Variants in C10orf90 observed in about 807,000 individuals in gnomAD.
The protein encoded by C10orf90 is (E2-independent) E3 ubiquitin-conjugating enzyme FATS.
A neutral mutation model predicts 62.5 loss-of-function variants in C10orf90; 56 were observed. That is an observed-to-expected ratio of 0.90 (90% confidence interval 0.72 to 1.12). C10orf90 has a LOEUF of 1.12. C10orf90 is among the 50% of genes most tolerant of loss of function. C10orf90 has a pLI of 0.00. For synonymous variants in C10orf90, 386 were observed against 340.4 expected (o/e 1.13, Z -1.47); for missense variants, 970 against 880.4 (o/e 1.10, Z -1.29).
At chr10:126,507,013 G>T (rs1862777412) in intron 3 of C10orf90, among the ~76,000 whole-genome samples, 3 of 151,918 alleles carry the variant, frequency 2.0e-5, no homozygotes, top group Admixed American at 2.0e-4. Context: ...AAGATGGTTG[G>T]CTTGTTTTGC....
chr10:126,536,102 G>A (rs1281043404), intron 2 of C10orf90, among the ~76,000 whole-genome samples: 3 of 152,166 alleles, frequency 2.0e-5, no homozygotes, highest in Admixed American at 6.5e-5. Context: ...GTCCTCTGTG[G>A]CCACGGTGCA....
At chr10:126,568,650 G>A (rs1022841086) in intron 2 of C10orf90, among the ~76,000 whole-genome samples, 1 of 152,160 alleles carries the variant, frequency 6.6e-6, no homozygotes, top group African/African-American at 2.4e-5. Flanking sequence ...AAGGCATGGG[G>A]ATTGTGCAGG....
intron 7 of C10orf90, among the ~76,000 whole-genome samples, chr10:126,431,011 C>G (rs1245972874): frequency 1.3e-5 from 2 of 152,120 alleles, no homozygotes; most frequent in Non-Finnish European, 2.9e-5. Context: ...AAGCTTGTCC[C>G]CTGTCTGGTT....
chr10:126,641,537 A>G (rs989600169), intron 2 of C10orf90, among the ~76,000 whole-genome samples: 24 of 152,002 alleles, frequency 1.6e-4, no homozygotes, highest in African/African-American at 5.6e-4. Context: ...AGTGACCTTC[A>G]TCATTTCCCT....
At chr10:126,584,635 T>G (rs1207786522) in intron 2 of C10orf90, among the ~76,000 whole-genome samples, 1 of 152,118 alleles carries the variant, frequency 6.6e-6, no homozygotes, top group African/African-American at 2.4e-5. Context: ...TGCCCATGTT[T>G]TGCCCCTGTC....
At chr10:126,551,814 A>G (rs1246439816) in intron 2 of C10orf90, among the ~76,000 whole-genome samples, 3 of 152,234 alleles carry the variant, frequency 2.0e-5, no homozygotes, top group Non-Finnish European at 4.4e-5. Flanking sequence ...CATTATCTCA[A>G]AAAGGCCTGC....
intron 2 of C10orf90, among the ~76,000 whole-genome samples, chr10:126,569,639 G>T (rs1591108215): frequency 6.6e-6 from 1 of 152,256 alleles, no homozygotes; most frequent in East Asian, 1.9e-4. Flanking sequence ...ACAGAAAGAG[G>T]GTGTGTCTTG....
intron 2 of C10orf90, among the ~76,000 whole-genome samples, chr10:126,630,582 G>A (rs1218569721): frequency 3.3e-5 from 5 of 152,144 alleles, no homozygotes; most frequent in Non-Finnish European, 7.4e-5. Flanking sequence ...CTGGTCTAAA[G>A]TCAACAATTA....
intron 7 of C10orf90, among the ~76,000 whole-genome samples, chr10:126,457,922 C>G (rs1388405090): frequency 6.6e-6 from 1 of 152,196 alleles, no homozygotes; most frequent in Non-Finnish European, 1.5e-5. Context: ...CCATGGGGAG[C>G]TCTTTGCACA....
At chr10:126,589,680 C>A (rs1276025742) in intron 2 of C10orf90, among the ~76,000 whole-genome samples, 1 of 152,156 alleles carries the variant, frequency 6.6e-6, no homozygotes, top group African/African-American at 2.4e-5. Flanking sequence ...ATTACCAGGC[C>A]TGCCTTGTAA....
In C10orf90 at chr10:126,461,525, G is replaced by A. The variant is rs754091481; in HGVS notation, c.1886C>T (p.Pro629Leu). The change falls in exon 6 of 10, where the codon CCC (proline) becomes CTC (leucine). Residue 629 changes from proline to leucine, a missense_variant. Physicochemically the swap from Pro to Leu is moderately conservative, Grantham distance 98. Coordinates refer to ENST00000488181, the MANE Select transcript of C10orf90 (RefSeq NM_001350921.2). ...KIKECKKSED[P>L]TTPEPSPAAP... ...TGCTGGGGAGGGCTCAGGTGTGGTG[G>A]GGTCCTCACTCTTCTTACATTCCTT... 7 of 1,613,934 alleles carry A rather than the reference G, an allele frequency of 4.3e-6. No homozygotes were observed. Among genetic ancestry groups the A allele is most frequent in the South Asian group, 1.1e-5 (1 of 91,036 alleles).
chr10:126,564,598 T>C (rs900983737), intron 2 of C10orf90, among the ~76,000 whole-genome samples: 55 of 150,208 alleles, frequency 3.7e-4, no homozygotes, highest in African/African-American at 1.2e-3. Flanking sequence ...AGTTCCCAGA[T>C]TGAAACCATA....
At chr10:126,602,264 A>T (rs1315439101) in intron 2 of C10orf90, among the ~76,000 whole-genome samples, 1 of 152,146 alleles carries the variant, frequency 6.6e-6, no homozygotes, top group African/African-American at 2.4e-5. Context: ...TGCACTGAAC[A>T]CCCGTCTTGA....
chr10:126,481,683 A>G (rs1861168001), intron 4 of C10orf90, among the ~76,000 whole-genome samples: 1 of 152,094 alleles, frequency 6.6e-6, no homozygotes, highest in Non-Finnish European at 1.5e-5. Flanking sequence ...ACCACCCTAA[A>G]ATGAAGAAGC....
At chr10:126,577,033 G>T (rs141054747) in intron 2 of C10orf90, among the ~76,000 whole-genome samples, 5 of 151,550 alleles carry the variant, frequency 3.3e-5, no homozygotes, top group Non-Finnish European at 5.9e-5. Flanking sequence ...TTTGTTAAAG[G>T]ATACAAAATT....
At chr10:126,581,520 G>C (rs1313052317) in intron 2 of C10orf90, among the ~76,000 whole-genome samples, 1 of 95,392 alleles carries the variant, frequency 1.0e-5, no homozygotes, top group African/African-American at 4.7e-5. Context: ...CCATCCTCAG[G>C]TCAGTCATGT....
At chr10:126,635,113 A>C (rs1865898) in intron 2 of C10orf90, among the ~76,000 whole-genome samples, 62,987 of 152,086 alleles carry the variant, frequency 0.41, 13,161 homozygotes, top group South Asian at 0.51. Flanking sequence ...AATCAAGCTT[A>C]AGCACACACA....
chr10:126,539,916 C>T (rs1226049004), intron 2 of C10orf90, among the ~76,000 whole-genome samples: 5 of 152,034 alleles, frequency 3.3e-5, no homozygotes, highest in East Asian at 1.9e-4. Flanking sequence ...GAAAGAGGCA[C>T]GAAGCTGGAA....
At chr10:126,590,346 G>T (rs1024234571) in intron 2 of C10orf90, among the ~76,000 whole-genome samples, 3 of 152,078 alleles carry the variant, frequency 2.0e-5, no homozygotes, top group African/African-American at 7.2e-5. Flanking sequence ...AGACCTAATA[G>T]ATACCTGCAG....
Sources: gnomAD v4.1 joint callset for allele counts (sites outside exome capture counted in the v4.1 genomes callset) on GRCh38, gnomAD v4.1.1 for gene constraint, MANE v1.5 for transcripts, NCBI Gene and HGNC (gene_info 2026-07-23, HGNC 2026-07-21) for gene names.